EEF2K: variants seen among roughly 807,000 people sequenced by gnomAD.
EEF2K encodes the protein eukaryotic elongation factor 2 kinase.
EEF2K carries 70 observed loss-of-function variants against 93.8 expected under a neutral mutation model. The ratio of observed to expected loss-of-function variants is 0.75; its 90% CI spans 0.62 to 0.91. The LOEUF is 0.91. Among genes scored for constraint, EEF2K ranks in the 40% least tolerant of loss-of-function variants. The probability of loss-of-function intolerance (pLI) is 0.00; values close to 1 mark genes in which losing one functional copy is unlikely to be tolerated. For synonymous variants in EEF2K, 376 were observed against 380.8 expected (o/e 0.99, Z 0.15); for missense variants, 935 against 972.9 (o/e 0.96, Z 0.52).
At chr16:22,217,568 C>T (rs1432127173) in intron 1 of EEF2K, among the ~76,000 whole-genome samples, 4 of 152,070 alleles carry the variant, frequency 2.6e-5, no homozygotes, top group Non-Finnish European at 2.9e-5. Flanking sequence ...CTCAGCTTCC[C>T]GAGTAGCTGG....
At position 22,273,693 on chromosome 16, in the gene EEF2K, A is replaced by G; in HGVS notation, c.1832A>G (p.Gln611Arg). The change falls in exon 16 of 18, where the codon CAG (glutamine) becomes CGG (arginine). Residue 611 changes from glutamine to arginine, a missense_variant. Physicochemically the swap from Gln to Arg is conservative, Grantham distance 43. Transcript: ENST00000263026. ...AAGGCCGCTGAAGCTGGCGACAGGCAGTCCATGATCCTAGTGGCGCGAGCT... is the reference window on the plus strand; with the variant it reads ...AAGGCCGCTGAAGCTGGCGACAGGCGGTCCATGATCCTAGTGGCGCGAGCT... ...LLKAAEAGDR[Q>R]SMILVARAFD... The G allele has an allele frequency of 6.2e-7, 1 of 1,614,212 alleles. No individual in the cohort carries two copies. Among genetic ancestry groups the G allele is most frequent in the Non-Finnish European group, 8.5e-7 (1 of 1,180,032 alleles).
At chr16:22,277,766 T>C (rs980239482) in intron 16 of EEF2K, among the ~76,000 whole-genome samples, 1 of 152,210 alleles carries the variant, frequency 6.6e-6, no homozygotes, top group Non-Finnish European at 1.5e-5. Flanking sequence ...TGTTCTGTGC[T>C]GGTAACAGAA....
chr16:22,225,531 G>C (rs1285958186), intron 1 of EEF2K, 123 bp from the exon 2 acceptor site: 19 of 739,278 alleles, frequency 2.6e-5, no homozygotes, highest in Non-Finnish European at 3.6e-5. Context: ...CCAAAAGATA[G>C]CTCTAGGTTT....
chr16:22,233,706 T>C (rs2047139320), intron 2 of EEF2K, among the ~76,000 whole-genome samples: 4 of 152,070 alleles, frequency 2.6e-5, no homozygotes. Context: ...AAAAAAATAT[T>C]TTCCTGATCT....
intron 15 of EEF2K, 148 bp from the exon 16 acceptor site, chr16:22,273,478 G>A (rs1388623972): frequency 8.6e-7 from 1 of 1,164,978 alleles, no homozygotes; most frequent in East Asian, 2.5e-5. Context: ...AGCCTCTGGA[G>A]TCAAGTGCCC....
At chr16:22,278,525 G>A (rs576391825) in intron 16 of EEF2K, among the ~76,000 whole-genome samples, 7 of 152,206 alleles carry the variant, frequency 4.6e-5, no homozygotes, top group Admixed American at 1.3e-4. Context: ...GATGGCAGCC[G>A]GTGAGCCTGG....
rs369741849 is a variant in EEF2K, at chr16:22,255,294, A to G, written c.619-1454A>G. On this transcript the variant is annotated intron_variant, in intron 6 of 17. Coordinates refer to ENST00000263026, the MANE Select transcript of EEF2K (RefSeq NM_013302.5). ...GTGGACACGAAATGGTTTCTTTTTCACTTGTGTGGAGGTCTTGCATTGGTG... is the reference window on the plus strand; with the variant it reads ...GTGGACACGAAATGGTTTCTTTTTCGCTTGTGTGGAGGTCTTGCATTGGTG... Among the ~76,000 whole-genome samples the G allele has an allele frequency of 3.4e-4, 52 of 152,318 alleles. 1 individual carries two copies. In the East Asian group the frequency reaches 5.0e-3, roughly 15 times the overall value.
At chr16:22,269,655 G>A (rs538024921) in intron 15 of EEF2K, among the ~76,000 whole-genome samples, 3 of 152,062 alleles carry the variant, frequency 2.0e-5, no homozygotes, top group Non-Finnish European at 4.4e-5. Flanking sequence ...ACCCACCTCG[G>A]CCTCTCAAAA....
intron 1 of EEF2K, among the ~76,000 whole-genome samples, chr16:22,223,843 A>G (rs182084707): frequency 4.1e-4 from 62 of 152,298 alleles, no homozygotes; most frequent in Admixed American, 1.1e-3. Context: ...TGTAATCTGT[A>G]TAATGAGCTT....
intron 2 of EEF2K, among the ~76,000 whole-genome samples, chr16:22,242,654 A>G (rs1371936457): frequency 1.3e-5 from 2 of 151,924 alleles, no homozygotes; most frequent in African/African-American, 2.4e-5. Flanking sequence ...CTTTTGGGCC[A>G]TCATAATGAT....
At chr16:22,268,143 T>A (rs1223210885) in intron 15 of EEF2K, among the ~76,000 whole-genome samples, 1 of 152,182 alleles carries the variant, frequency 6.6e-6, no homozygotes, top group African/African-American at 2.4e-5. Flanking sequence ...AATTGGTAAT[T>A]ACATTCATGT....
chr16:22,279,460 G>T (rs1248470119), intron 16 of EEF2K, among the ~76,000 whole-genome samples: 1 of 151,764 alleles, frequency 6.6e-6, no homozygotes, highest in African/African-American at 2.4e-5. Context: ...TGTGTATATG[G>T]GTTACATGAG....
At chr16:22,220,935 T>C (rs1431373522) in intron 1 of EEF2K, among the ~76,000 whole-genome samples, 1 of 151,970 alleles carries the variant, frequency 6.6e-6, no homozygotes, top group Admixed American at 6.6e-5. Context: ...CAGGGCAGAG[T>C]AGGCGCTGGG....
At chr16:22,250,793 G>A in intron 5 of EEF2K, 102 bp downstream of exon 5, 2 of 1,475,922 alleles carry the variant, frequency 1.4e-6, no homozygotes, top group African/African-American at 1.4e-5. Context: ...GGAGCCAGGG[G>A]CCTCTGCCTT....
intron 2 of EEF2K, among the ~76,000 whole-genome samples, chr16:22,228,565 C>T (rs913975095): frequency 3.3e-5 from 5 of 152,198 alleles, no homozygotes; most frequent in African/African-American, 9.7e-5. Flanking sequence ...TTCAGGTACC[C>T]GGGCCGACAG....
At chr16:22,279,657 G>A (rs2141689018) in intron 16 of EEF2K, among the ~76,000 whole-genome samples, 1 of 151,706 alleles carries the variant, frequency 6.6e-6, no homozygotes, top group African/African-American at 2.4e-5. Context: ...TTTTTTTGTA[G>A]AGACACGGTC....
In EEF2K at chr16:22,273,696, C is replaced by T. The variant is rs1388789029; in HGVS notation, c.1835C>T (p.Ser612Phe). ...GCCGCTGAAGCTGGCGACAGGCAGT[C>T]CATGATCCTAGTGGCGCGAGCTTTT... is the stretch of plus-strand genomic sequence containing the variant. ...LKAAEAGDRQ[S>F]MILVARAFDS... is the part of the protein sequence containing the mutation. Residue 612 changes from serine (S) to phenylalanine (F), a missense_variant, in exon 16 of 18, where the codon TCC becomes TTC. Coordinates refer to ENST00000263026, the MANE Select transcript of EEF2K (RefSeq NM_013302.5). 6.2e-7 allele frequency: 1 copy of T among 1,614,152 alleles called. No individual in the cohort carries two copies. The highest frequency in any genetic ancestry group is 1.7e-5 in the Admixed American group (1 of 59,998).
chr16:22,209,030 G>C (rs2046890816), intron 1 of EEF2K, among the ~76,000 whole-genome samples: 1 of 152,144 alleles, frequency 6.6e-6, no homozygotes, highest in African/African-American at 2.4e-5. Flanking sequence ...AAGCCAGAGG[G>C]AGTGTTTGTT....
At chr16:22,246,751 T>C (rs911145619) in intron 3 of EEF2K, among the ~76,000 whole-genome samples, 1 of 151,324 alleles carries the variant, frequency 6.6e-6, no homozygotes, top group African/African-American at 2.4e-5. Context: ...CCATTGAAAC[T>C]AGAATTGGCC....
Sources: gnomAD v4.1 joint callset for allele counts (sites outside exome capture counted in the v4.1 genomes callset) on GRCh38, gnomAD v4.1.1 for gene constraint, MANE v1.5 for transcripts, NCBI Gene and HGNC (gene_info 2026-07-23, HGNC 2026-07-21) for gene names.